BBX: variants seen among roughly 807,000 people sequenced by gnomAD.
BBX encodes BBX high mobility group box domain containing.
Under a neutral mutation model 100.2 loss-of-function variants are expected in BBX, and 30 were observed. The ratio of observed to expected loss-of-function variants is 0.30; its 90% CI spans 0.22 to 0.41. The LOEUF is 0.41. Ranked by LOEUF, BBX falls within the 10% of genes least tolerant of loss-of-function variation. The pLI is 1.00. For synonymous variants in BBX, 376 were observed against 388.1 expected (o/e 0.97, Z 0.37); for missense variants, 1,023 against 1,129.8 (o/e 0.91, Z 1.35).
chr3:107,704,030 T>G (rs2061242892), intron 3 of BBX, among the ~76,000 whole-genome samples: 1 of 152,138 alleles, frequency 6.6e-6, no homozygotes, highest in Admixed American at 6.5e-5. Context: ...AGGTAAGCAT[T>G]TGGGTTCTTT....
At chr3:107,680,546 AAGG>A (rs1354950908) in intron 3 of BBX, among the ~76,000 whole-genome samples, 1 of 152,162 alleles carries the variant, frequency 6.6e-6, no homozygotes, top group Non-Finnish European at 1.5e-5. Flanking sequence ...TTGTTGGAAA[AAGG>A]AGCAGAAAGA....
intron 5 of BBX, among the ~76,000 whole-genome samples, chr3:107,720,292 A>C (rs1256614467): frequency 6.6e-6 from 1 of 152,046 alleles, no homozygotes; most frequent in African/African-American, 2.4e-5. Context: ...AAAGAGAAGT[A>C]TATTTGGGTA....
chr3:107,783,350 C>T (rs1298559554), intron 13 of BBX, among the ~76,000 whole-genome samples: 1 of 151,984 alleles, frequency 6.6e-6, no homozygotes, highest in African/African-American at 2.4e-5. Context: ...TATATAAGCT[C>T]TTCTGTGTAC....
chr3:107,602,849 C>CT (rs764168851), intron 2 of BBX, among the ~76,000 whole-genome samples: 46 of 152,212 alleles, frequency 3.0e-4, no homozygotes, highest in Non-Finnish European at 6.2e-4. Context: ...AATAAAGATG[C>CT]TGTGAACATT....
intron 3 of BBX, among the ~76,000 whole-genome samples, chr3:107,671,518 T>C (rs945869537): frequency 6.6e-6 from 1 of 151,986 alleles, no homozygotes; most frequent in Non-Finnish European, 1.5e-5. Context: ...ATTCACAAGC[T>C]GAGAAAAAAA....
intron 2 of BBX, among the ~76,000 whole-genome samples, chr3:107,639,283 C>G (rs2057051236): frequency 6.6e-6 from 1 of 152,134 alleles, no homozygotes; most frequent in Non-Finnish European, 1.5e-5. Context: ...ACAAGGTGGT[C>G]TTAAGGTTTC....
At chr3:107,564,106 G>A (rs2050703169) in intron 2 of BBX, among the ~76,000 whole-genome samples, 1 of 151,528 alleles carries the variant, frequency 6.6e-6, no homozygotes, top group Admixed American at 6.6e-5. Flanking sequence ...ATAGTATCTT[G>A]TTTTAATTTG....
In BBX at chr3:107,589,730, A is replaced by G. The variant is rs149528848; in HGVS notation, c.-83-56106A>G. 4.3e-3 allele frequency among the ~76,000 whole-genome samples: 653 copies of G among 152,342 alleles called. 7 individuals are homozygous for G. Among genetic ancestry groups the G allele is most frequent in the African/African-American group, 0.015 (616 of 41,580 alleles). On this transcript the variant is annotated intron_variant, in intron 2 of 17. Coordinates refer to ENST00000325805, the MANE Select transcript of BBX (RefSeq NM_001142568.3). The stretch of plus-strand genomic sequence containing the variant: ...CCAAAGAAGGCAGTTAAACCTGACT[A>G]TTACTCAAGCACAGAAATAAGTCAG...
chr3:107,792,686 A>G (rs2069184503), intron 15 of BBX, among the ~76,000 whole-genome samples: 1 of 152,216 alleles, frequency 6.6e-6, no homozygotes, highest in Admixed American at 6.5e-5. Flanking sequence ...TCTGCTGTTC[A>G]CAGCATTAAA....
At chr3:107,699,319 T>C (rs2108172164) in intron 3 of BBX, among the ~76,000 whole-genome samples, 1 of 151,824 alleles carries the variant, frequency 6.6e-6, no homozygotes, top group South Asian at 2.1e-4. Context: ...CATGGCAAGC[T>C]CCGGGTGATG....
At chr3:107,718,835 C>T (rs1371294749) in intron 5 of BBX, among the ~76,000 whole-genome samples, 1 of 151,996 alleles carries the variant, frequency 6.6e-6, no homozygotes, top group African/African-American at 2.4e-5. Context: ...CTGGATGTTC[C>T]ACGTTATAAT....
intron 10 of BBX, among the ~76,000 whole-genome samples, chr3:107,761,653 A>G (rs1369267601): frequency 6.6e-6 from 1 of 152,230 alleles, no homozygotes. Context: ...GGTTGCAAAC[A>G]AAGAGTAAGC....
Position 107,654,038 on chromosome 3 carries a change from A to G in BBX, c.-10+8129A>G, listed in dbSNP as rs550203269. On this transcript the variant is annotated intron_variant, in intron 3 of 17. Transcript: ENST00000325805. ...AGTTTTTGAATACCACTATGTTTTC[A>G]GCATTGTTAGAGTTACCAAATCATT... 5.9e-5 allele frequency among the ~76,000 whole-genome samples: 9 copies of G among 152,282 alleles called. No individual in the cohort carries two copies. The East Asian group carries it at 1.7e-3, about 29-fold the overall frequency.
chr3:107,675,257 G>A (rs540122637), intron 3 of BBX, among the ~76,000 whole-genome samples: 1 of 152,208 alleles, frequency 6.6e-6, no homozygotes, highest in Admixed American at 6.5e-5. Flanking sequence ...AGTTTTGACG[G>A]AAATCAGAGC....
At chr3:107,626,514 G>T (rs2107709994) in intron 2 of BBX, among the ~76,000 whole-genome samples, 1 of 152,270 alleles carries the variant, frequency 6.6e-6, no homozygotes, top group East Asian at 1.9e-4. Flanking sequence ...TCAAGATGGT[G>T]GCTTAGGCTC....
intron 2 of BBX, among the ~76,000 whole-genome samples, chr3:107,621,402 A>G (rs1047760072): frequency 5.3e-5 from 8 of 152,164 alleles, no homozygotes; most frequent in African/African-American, 1.9e-4. Flanking sequence ...TGTTTTATAT[A>G]TAATGTCCAG....
chr3:107,754,679 G>A (rs1322432915), intron 9 of BBX, among the ~76,000 whole-genome samples: 2 of 152,136 alleles, frequency 1.3e-5, no homozygotes, highest in African/African-American at 4.8e-5. Context: ...GTCACAAGCA[G>A]GATTACCTAC....
intron 7 of BBX, among the ~76,000 whole-genome samples, chr3:107,738,764 A>G (rs1468142711): frequency 1.3e-5 from 2 of 152,186 alleles, no homozygotes; most frequent in Non-Finnish European, 2.9e-5. Flanking sequence ...CATCACTGCC[A>G]GAGCAGGGGC....
At chr3:107,563,578 G>T (rs961641799) in intron 2 of BBX, among the ~76,000 whole-genome samples, 1 of 152,020 alleles carries the variant, frequency 6.6e-6, no homozygotes, top group Non-Finnish European at 1.5e-5. Flanking sequence ...TACTTCACAA[G>T]TAATACATGA....
Sources: gnomAD v4.1 joint callset for allele counts (sites outside exome capture counted in the v4.1 genomes callset) on GRCh38, gnomAD v4.1.1 for gene constraint, MANE v1.5 for transcripts, NCBI Gene and HGNC (gene_info 2026-07-23, HGNC 2026-07-21) for gene names.